Variants in NEBL observed in about 807,000 individuals in gnomAD.
The protein encoded by NEBL is nebulette.
A neutral mutation model predicts 140.2 loss-of-function variants in NEBL; 122 were observed. The ratio of observed to expected loss-of-function variants is 0.87; its 90% confidence interval spans 0.75 to 1.01. NEBL has a LOEUF of 1.01. Among genes scored for constraint, NEBL ranks in the 50% least tolerant of loss-of-function variants. The pLI, the probability that NEBL is intolerant of heterozygous loss-of-function variation, is 0.00. For missense variants in NEBL, 1,365 were observed against 1,231.3 expected, an observed-to-expected ratio of 1.11 and a Z score of -1.62; for synonymous variants, 436 against 398.9, an observed-to-expected ratio of 1.09 and a Z score of -1.11.
At chr10:20,870,795 A>G (rs7072918) in intron 5 of NEBL, among the ~76,000 whole-genome samples, 20,528 of 152,234 alleles carry the variant, frequency 0.13, 1,916 homozygotes, top group African/African-American at 0.27. Flanking sequence ...TTAGACACAA[A>G]CCAAAGTATG....
At chr10:21,236,861 A>G (rs80271620) in intron 3 of NEBL, among the ~76,000 whole-genome samples, 3,877 of 152,308 alleles carry the variant, frequency 0.025, 84 homozygotes, top group South Asian at 0.059. Context: ...AACAGTTCCA[A>G]GAGTTTCACA....
At chr10:20,960,183 A>G (rs966249509) in intron 4 of NEBL, among the ~76,000 whole-genome samples, 8 of 152,122 alleles carry the variant, frequency 5.3e-5, no homozygotes, top group Admixed American at 2.0e-4. Context: ...TGATTGTTGA[A>G]GATGTATAAT....
At chr10:20,872,509 C>T (rs908738920) in intron 5 of NEBL, among the ~76,000 whole-genome samples, 1 of 152,104 alleles carries the variant, frequency 6.6e-6, no homozygotes, top group Non-Finnish European at 1.5e-5. Context: ...ACACAGATTC[C>T]TACACGTAAC....
Position 21,025,198 on chromosome 10 carries a change from C to T in NEBL, c.165-4997G>A, listed in dbSNP as rs75021525. Among the ~76,000 whole-genome samples, 99 of 151,960 alleles carry T rather than the reference C, an allele frequency of 6.5e-4. No homozygotes were observed. The East Asian group carries it at 0.016, about 24-fold the overall frequency. ...GATGAATTGACACATTCATAAGTTT[C>T]ATGGAAAACAAAACATAATTGTGGA... On this transcript the variant is annotated intron_variant, in intron 2 of 6. Transcript: ENST00000417816.
At chr10:21,135,634 C>T (rs1184672579) in intron 2 of NEBL, among the ~76,000 whole-genome samples, 1 of 152,190 alleles carries the variant, frequency 6.6e-6, no homozygotes, top group Non-Finnish European at 1.5e-5. Context: ...TGCACCAAAT[C>T]TACTCAGTGA....
rs569661358 is a variant in NEBL, at chr10:20,930,311, G to A, written c.357+31361C>T. ...ATTTCATCCTTCGACACGTTTTATT[G>A]GATCTATCTCCAAAGCAAAACTGAA... is the stretch of plus-strand genomic sequence containing the variant. On this transcript the variant is annotated intron_variant, in intron 4 of 6. Coordinates refer to the NEBL transcript ENST00000417816. Among the ~76,000 whole-genome samples the A allele has an allele frequency of 2.0e-5, 3 of 152,082 alleles. No homozygotes were observed. In the South Asian group the frequency reaches 6.2e-4, roughly 32 times the overall value.
intron 3 of NEBL, among the ~76,000 whole-genome samples, chr10:20,999,887 G>T (rs935929996): frequency 2.0e-5 from 3 of 151,920 alleles, no homozygotes; most frequent in Non-Finnish European, 2.9e-5. Flanking sequence ...CAATTTCATC[G>T]TTGGTTCCCC....
intron 4 of NEBL, among the ~76,000 whole-genome samples, chr10:20,915,427 C>T (rs1848507683): frequency 6.8e-6 from 1 of 147,820 alleles, no homozygotes; most frequent in Non-Finnish European, 1.5e-5. Flanking sequence ...CACAACAGTC[C>T]CCAGAGTGTG....
rs5783757 is a variant in NEBL, at chr10:20,947,681, T to TCACACACA, written c.357+13983_357+13990dup. ...AGCCATTGACATTTTTACTGAGAAA[T>TCACACACA]CACACACACACACACACACACACAC... is the stretch of plus-strand genomic sequence containing the variant. On this transcript the variant is annotated intron_variant, in intron 4 of 6. Coordinates refer to the NEBL transcript ENST00000417816. Among the ~76,000 whole-genome samples the TCACACACA allele has an allele frequency of 4.2e-3, 612 of 144,272 alleles. 1 individual carries two copies. Among genetic ancestry groups the TCACACACA allele is most frequent in the African/African-American group, 0.011 (424 of 39,172 alleles). 94.6% of individuals were successfully genotyped at this position (144,272 alleles called of 152,430 possible).
chr10:20,792,886 G>T (rs1836138632), intron 26 of NEBL, among the ~76,000 whole-genome samples: 1 of 151,976 alleles, frequency 6.6e-6, no homozygotes, highest in African/African-American at 2.4e-5. Context: ...CCATGGTATG[G>T]ACCTTTCTGC....
chr10:20,885,252 GC>G (rs137923051), intron 4 of NEBL, among the ~76,000 whole-genome samples: 2,952 of 152,102 alleles, frequency 0.019, 87 homozygotes, highest in African/African-American at 0.067. Context: ...CTACTTTCTT[GC>G]CCCGCTTATT....
intron 18 of NEBL, among the ~76,000 whole-genome samples, chr10:20,825,826 A>T (rs1281447477): frequency 6.6e-6 from 1 of 152,086 alleles, no homozygotes; most frequent in Non-Finnish European, 1.5e-5. Context: ...ACAGAAGAGG[A>T]CCCCTCCCCC....
intron 2 of NEBL, among the ~76,000 whole-genome samples, chr10:21,045,516 G>A (rs969709329): frequency 6.6e-6 from 1 of 152,146 alleles, no homozygotes; most frequent in African/African-American, 2.4e-5. Flanking sequence ...GAAAGAAACT[G>A]AATAGTAAGA....
chr10:21,028,254 A>AAAAAAGAAGAAGAAGAAGAAGAAG (rs1554819372), intron 2 of NEBL, among the ~76,000 whole-genome samples: 1 of 70,332 alleles, frequency 1.4e-5, no homozygotes, highest in Non-Finnish European at 2.7e-5. Context: ...AAAAAAAAAA[A>AAAAAAGAAGAAGAAGAAGAAGAAG]AAGAAGAAGA....
At position 21,243,351 on chromosome 10, in the gene NEBL, G is replaced by C. The variant is rs115577351; in HGVS notation, n.348+4570C>G. On this transcript the variant is annotated intron_variant and non_coding_transcript_variant, in intron 3 of 8. Coordinates refer to the NEBL transcript ENST00000675702. The stretch of plus-strand genomic sequence containing the variant: ...GGGTACGGTTGCATGCTGTCGCCTA[G>C]ACTGGAGTGCAGTGGTACAATCTCA... Among the ~76,000 whole-genome samples, 266 of 142,132 alleles carry C rather than the reference G, an allele frequency of 1.9e-3. 3 individuals carry two copies. The highest frequency in any genetic ancestry group is 6.8e-3 in the African/African-American group (256 of 37,650). The allele number at this position is 142,132 out of a possible 152,430, so 93.2% of individuals were successfully genotyped here.
chr10:20,938,441 A>G (rs914469285), intron 4 of NEBL, among the ~76,000 whole-genome samples: 9 of 152,336 alleles, frequency 5.9e-5, no homozygotes, highest in African/African-American at 1.9e-4. Context: ...CCATCTGTAC[A>G]TCACCATCAT....
chr10:21,251,654 A>T (rs1588564180), intron 2 of NEBL, among the ~76,000 whole-genome samples: 2 of 152,184 alleles, frequency 1.3e-5, no homozygotes, highest in South Asian at 2.1e-4. Flanking sequence ...GGCATTTGGA[A>T]GTAGGGCTTT....
chr10:21,098,203 TAC>T (rs1237776642), intron 2 of NEBL, among the ~76,000 whole-genome samples: 8 of 116,576 alleles, frequency 6.9e-5, no homozygotes, highest in Non-Finnish European at 1.8e-4. Flanking sequence ...CTCATTCACA[TAC>T]ACACACATTC....
At chr10:20,824,799 C>G (rs1190759677) in intron 18 of NEBL, among the ~76,000 whole-genome samples, 1 of 152,264 alleles carries the variant, frequency 6.6e-6, no homozygotes, top group Non-Finnish European at 1.5e-5. Flanking sequence ...CAAAGGGACT[C>G]TAATCAAAAT....
Sources: gnomAD v4.1 joint callset for allele counts (sites outside exome capture counted in the v4.1 genomes callset) on GRCh38, gnomAD v4.1.1 for gene constraint, MANE v1.5 for transcripts, NCBI Gene and HGNC (gene_info 2026-07-23, HGNC 2026-07-21) for gene names.